The following RB1 variants were observed in gnomAD, a reference collection of about 807,000 sequenced individuals.
The protein encoded by RB1 is retinoblastoma-associated protein.
A neutral mutation model predicts 135.4 loss-of-function variants in RB1; 18 were observed. That is an observed-to-expected ratio of 0.13 (90% CI 0.09 to 0.20). RB1 has a LOEUF of 0.20. Among genes scored for constraint, RB1 ranks in the 10% least tolerant of loss-of-function variants. The probability of loss-of-function intolerance (pLI) is 1.00; values close to 1 mark genes in which losing one functional copy is unlikely to be tolerated. For missense variants in RB1, 868 were observed against 1,110.0 expected, an observed-to-expected ratio of 0.78 and a Z score of 3.10; for synonymous variants, 365 against 373.2, an observed-to-expected ratio of 0.98 and a Z score of 0.25.
At chr13:48,476,276 C>G (rs1949503593) in intron 24 of RB1, 1 of 201,634 alleles carries the variant, frequency 5.0e-6, no homozygotes. Flanking sequence ...CACATCATCT[C>G]TTATCAAATT....
intron 23 of RB1, among the ~76,000 whole-genome samples, chr13:48,465,579 TC>T (rs1412477319): frequency 6.6e-6 from 1 of 152,002 alleles, no homozygotes; most frequent in Middle Eastern, 3.2e-3. Flanking sequence ...TAGGAACAGC[TC>T]CGGTCTACAG....
chr13:48,380,297 T>A, intron 16 of RB1, 56 bp downstream of exon 16: 1 of 1,314,274 alleles, frequency 7.6e-7, no homozygotes, highest in South Asian at 1.2e-5. Flanking sequence ...TAAAATGTGG[T>A]GTGTTTCTTT....
At chr13:48,311,233 T>C (rs1328827083) in intron 2 of RB1, among the ~76,000 whole-genome samples, 2 of 152,236 alleles carry the variant, frequency 1.3e-5, no homozygotes, top group African/African-American at 4.8e-5. Flanking sequence ...GTATATGAAA[T>C]GTATGATATA....
intron 17 of RB1, among the ~76,000 whole-genome samples, chr13:48,441,405 G>A (rs950719197): frequency 3.3e-5 from 5 of 152,066 alleles, no homozygotes; most frequent in African/African-American, 1.2e-4. Flanking sequence ...AATGACCAAC[G>A]GGTTTCCAAA....
Position 48,395,686 on chromosome 13 carries a change from A to G in RB1, c.1695+14243A>G, listed in dbSNP as rs151112025. Reference sequence around the variant, plus strand: ...GCGTGATGACAAGATTAGAGAAAAAAGAATGAAAAGGAATGAACAAAGCCT... The same window carrying G: ...GCGTGATGACAAGATTAGAGAAAAAGGAATGAAAAGGAATGAACAAAGCCT... On this transcript the variant is annotated intron_variant, in intron 17 of 26. Coordinates refer to ENST00000267163, the MANE Select transcript of RB1 (RefSeq NM_000321.3). 5.6e-3 allele frequency among the ~76,000 whole-genome samples: 846 copies of G among 152,320 alleles called. 5 individuals are homozygous for G. The highest frequency in any genetic ancestry group is 0.01 in the Middle Eastern group (3 of 294).
At chr13:48,450,727 G>C (rs1949321667) in intron 17 of RB1, among the ~76,000 whole-genome samples, 1 of 152,170 alleles carries the variant, frequency 6.6e-6, no homozygotes, top group Admixed American at 6.5e-5. Flanking sequence ...GAAAGTCAAT[G>C]GTAGTTTAAT....
chr13:48,379,741 CAGG>C, intron 14 of RB1, 91 bp downstream of exon 14: 1 of 1,475,246 alleles, frequency 6.8e-7, no homozygotes, highest in Non-Finnish European at 9.2e-7. Context: ...GTGGGCAGAT[CAGG>C]AGGTCAAGGC....
chr13:48,389,026 G>T (rs1037292213), intron 17 of RB1, among the ~76,000 whole-genome samples: 9 of 152,028 alleles, frequency 5.9e-5, no homozygotes, highest in Non-Finnish European at 1.3e-4. Context: ...TGGGCCTGGT[G>T]GTGAATGCCT....
intron 17 of RB1, chr13:48,422,848 T>G (rs917282713): frequency 3.9e-5 from 6 of 152,200 alleles, no homozygotes; most frequent in African/African-American, 1.4e-4. Flanking sequence ...ATTCAAAATA[T>G]AGTGAATCTT....
At chr13:48,346,207 G>T (rs1300884646) in intron 4 of RB1, among the ~76,000 whole-genome samples, 1 of 145,252 alleles carries the variant, frequency 6.9e-6, no homozygotes, top group East Asian at 2.1e-4. Context: ...TAAATAATTT[G>T]CATAACAAAC....
chr13:48,362,993 A>G lies in RB1; in HGVS notation c.861+36A>G, dbSNP rs754299163. 5.0e-6 allele frequency: 8 copies of G among 1,601,876 alleles called. No individual in the cohort carries two copies. In the East Asian group the frequency reaches 1.6e-4, roughly 31 times the overall value. ...TTCATGATTTCTTTAAAACAGTTAA[A>G]GTAGATTTAGATGTAAGTTCTCCCT... On this transcript the variant is annotated intron_variant, in intron 8 of 26. Coordinates refer to ENST00000267163, the MANE Select transcript of RB1 (RefSeq NM_000321.3).
chr13:48,380,357 T>A, intron 16 of RB1, 116 bp downstream of exon 16: 1 of 785,232 alleles, frequency 1.3e-6, no homozygotes, highest in Non-Finnish European at 2.1e-6. Flanking sequence ...ATGCTTATTT[T>A]AGATCACTAT....
At chr13:48,406,113 T>TGC (rs397752056) in intron 17 of RB1, among the ~76,000 whole-genome samples, 1 of 98,996 alleles carries the variant, frequency 1.0e-5, no homozygotes, top group African/African-American at 3.0e-5. Flanking sequence ...TGTGTGTGTG[T>TGC]ATGTATGTAT....
intron 1 of RB1, among the ~76,000 whole-genome samples, chr13:48,305,071 T>G (rs1216055190): frequency 6.6e-6 from 1 of 152,230 alleles, no homozygotes; most frequent in Non-Finnish European, 1.5e-5. Context: ...TAGCTATGAT[T>G]GAAAGAGTGT....
chr13:48,379,814 G>A, intron 14 of RB1, among the ~76,000 whole-genome samples, 164 bp downstream of exon 14: 1 of 151,736 alleles, frequency 6.6e-6, no homozygotes, highest in South Asian at 2.1e-4. Flanking sequence ...ACAAAAATTA[G>A]CTGGGCGTGG....
At chr13:48,396,954 C>T (rs1269727894) in intron 17 of RB1, among the ~76,000 whole-genome samples, 2 of 152,324 alleles carry the variant, frequency 1.3e-5, no homozygotes, top group East Asian at 3.9e-4. Context: ...GATACCATCT[C>T]ATGCCAGTTA....
chr13:48,459,086 T>G (rs1174344399), intron 19 of RB1, among the ~76,000 whole-genome samples: 1 of 152,210 alleles, frequency 6.6e-6, no homozygotes, highest in African/African-American at 2.4e-5. Context: ...TGGGTTTGTC[T>G]AATTTTACAG....
At chr13:48,304,627 T>C (rs1408534152) in intron 1 of RB1, among the ~76,000 whole-genome samples, 3 of 152,170 alleles carry the variant, frequency 2.0e-5, no homozygotes, top group Non-Finnish European at 4.4e-5. Flanking sequence ...GGCGTTTCCT[T>C]AGAACAATAA....
In RB1 at chr13:48,481,040, AT is replaced by A. The variant is rs529114215; in HGVS notation, c.*978del. ...CAGACTGTTAATTATAGGAGCCTTAATTTTTTTTTCATAGAGATTTGTCTAA... is the reference window on the plus strand; with the variant it reads ...CAGACTGTTAATTATAGGAGCCTTAATTTTTTTTCATAGAGATTTGTCTAA... On this transcript the variant is annotated 3_prime_UTR_variant, in exon 27 of 27. Transcript: ENST00000267163. The A allele has an allele frequency of 1.5e-4, 34 of 227,834 alleles. No individual in the cohort carries two copies. The highest frequency in any genetic ancestry group is 3.2e-4 in the East Asian group (5 of 15,842). 14.1% of individuals were successfully genotyped at this position (227,834 alleles called of 1,614,324 possible).
Sources: allele counts gnomAD v4.1 joint callset (sites outside exome capture counted in the v4.1 genomes callset), GRCh38; gene constraint gnomAD v4.1.1; transcripts MANE v1.5; gene names NCBI Gene and HGNC (gene_info 2026-07-23, HGNC 2026-07-21).